Variants in TCF7L2 observed in about 807,000 individuals in gnomAD.
TCF7L2 encodes the protein transcription factor 7-like 2.
TCF7L2 carries 23 observed loss-of-function variants against 77.9 expected under a neutral mutation model. That is an observed-to-expected ratio of 0.30 (90% confidence interval 0.21 to 0.42). TCF7L2 has a LOEUF of 0.42. Among genes scored for constraint, TCF7L2 ranks in the 10% least tolerant of loss-of-function variants. The pLI is 1.00. For synonymous variants in TCF7L2, 413 were observed against 340.2 expected, an observed-to-expected ratio of 1.21 and a Z score of -2.36; for missense variants, 654 against 793.1, an observed-to-expected ratio of 0.82 and a Z score of 2.11.
At chr10:113,134,434 C>G (rs2067093455) in intron 5 of TCF7L2, among the ~76,000 whole-genome samples, 1 of 152,192 alleles carries the variant, frequency 6.6e-6, no homozygotes, top group Non-Finnish European at 1.5e-5. Context: ...ATCCCACCAG[C>G]AGAAATAGTT....
chr10:113,073,099 C>CCTGTGTGTGT (rs145753150), intron 5 of TCF7L2, among the ~76,000 whole-genome samples: 3 of 103,960 alleles, frequency 2.9e-5, no homozygotes, highest in East Asian at 2.4e-4. Flanking sequence ...AGGGCCAGGT[C>CCTGTGTGTGT]GTGTGTGTGT....
intron 5 of TCF7L2, among the ~76,000 whole-genome samples, chr10:113,133,637 C>G (rs2066943024): frequency 6.6e-6 from 1 of 152,200 alleles, no homozygotes; most frequent in African/African-American, 2.4e-5. Context: ...TTTCTCCTCT[C>G]CCTGCTTGCT....
At chr10:113,147,109 A>G (rs1363395470) in intron 8 of TCF7L2, among the ~76,000 whole-genome samples, 1 of 152,034 alleles carries the variant, frequency 6.6e-6, no homozygotes, top group Non-Finnish European at 1.5e-5. Context: ...TGATAGTTTT[A>G]TTTTCTGTTC....
At chr10:113,127,866 CTTTTT>C (rs34638595) in intron 5 of TCF7L2, among the ~76,000 whole-genome samples, 21 of 110,218 alleles carry the variant, frequency 1.9e-4, no homozygotes, top group African/African-American at 5.7e-4. Context: ...TTGCTGCGTC[CTTTTT>C]TTTTTTTTTT....
chr10:113,134,263 A>G (rs895418240), intron 5 of TCF7L2, among the ~76,000 whole-genome samples: 2 of 152,146 alleles, frequency 1.3e-5, no homozygotes, highest in African/African-American at 4.8e-5. Flanking sequence ...GAGGAAGCCC[A>G]CCCATTTGGG....
chr10:113,042,751 T>C (rs911676568), intron 5 of TCF7L2, among the ~76,000 whole-genome samples: 1 of 152,168 alleles, frequency 6.6e-6, no homozygotes, highest in African/African-American at 2.4e-5. Flanking sequence ...AGACTACAAA[T>C]TTATGATTAT....
chr10:112,980,958 G>A (rs1278504606), intron 4 of TCF7L2, among the ~76,000 whole-genome samples: 1 of 152,174 alleles, frequency 6.6e-6, no homozygotes, highest in Non-Finnish European at 1.5e-5. Flanking sequence ...TGCTGAAGAA[G>A]CCAAGAGTTT....
intron 4 of TCF7L2, among the ~76,000 whole-genome samples, chr10:112,974,256 C>T (rs2135004745): frequency 6.6e-6 from 1 of 152,184 alleles, no homozygotes; most frequent in South Asian, 2.1e-4. Flanking sequence ...GTTCATTCTC[C>T]ACCATATTAG....
chr10:113,138,923 A>G (rs2067859439), intron 5 of TCF7L2, among the ~76,000 whole-genome samples: 1 of 152,092 alleles, frequency 6.6e-6, no homozygotes. Flanking sequence ...ATCCCGGGAG[A>G]TGCTTGACTA....
At chr10:112,986,635 A>T (rs1327199507) in intron 4 of TCF7L2, among the ~76,000 whole-genome samples, 4 of 152,058 alleles carry the variant, frequency 2.6e-5, no homozygotes, top group Non-Finnish European at 5.9e-5. Context: ...CTGTTGTTGC[A>T]CTTGGTGTTT....
chr10:113,028,206 C>A (rs1222423342), intron 4 of TCF7L2, among the ~76,000 whole-genome samples: 2 of 152,098 alleles, frequency 1.3e-5, no homozygotes, highest in Non-Finnish European at 2.9e-5. Context: ...TCCTTGCTCT[C>A]TAGGAGGGAT....
At chr10:113,004,309 T>TA (rs1260056421) in intron 4 of TCF7L2, among the ~76,000 whole-genome samples, 3 of 152,118 alleles carry the variant, frequency 2.0e-5, no homozygotes, top group Non-Finnish European at 4.4e-5. Flanking sequence ...GGGGTCTCTG[T>TA]AGACTCCAGG....
intron 4 of TCF7L2, among the ~76,000 whole-genome samples, chr10:112,989,001 GCCTTGTCTGAGGCTCGGGT>G (rs2042060896): frequency 6.6e-6 from 1 of 152,134 alleles, no homozygotes; most frequent in Non-Finnish European, 1.5e-5. Flanking sequence ...TTGAGTCTGG[GCCTTGTCTGAGGCTCGGGT>G]CCTGTCATGC....
At chr10:112,971,098 C>T (rs1431345388) in intron 4 of TCF7L2, among the ~76,000 whole-genome samples, 2 of 152,168 alleles carry the variant, frequency 1.3e-5, no homozygotes, top group Admixed American at 6.5e-5. Flanking sequence ...AAAATATTTG[C>T]ATCTAATGTG....
At chr10:113,072,315 A>G (rs2058129021) in intron 5 of TCF7L2, among the ~76,000 whole-genome samples, 1 of 150,636 alleles carries the variant, frequency 6.6e-6, no homozygotes, top group Admixed American at 6.6e-5. Flanking sequence ...TCAGCCTTCC[A>G]AAGGGAGGGA....
intron 4 of TCF7L2, among the ~76,000 whole-genome samples, chr10:112,993,733 G>A (rs2042999290): frequency 6.6e-6 from 1 of 152,028 alleles, no homozygotes; most frequent in South Asian, 2.1e-4. Flanking sequence ...AGCTGTCTTG[G>A]GCCAAACCTC....
At chr10:113,001,300 C>T (rs1334313758) in intron 4 of TCF7L2, among the ~76,000 whole-genome samples, 1 of 152,156 alleles carries the variant, frequency 6.6e-6, no homozygotes, top group Non-Finnish European at 1.5e-5. Flanking sequence ...TATGTGTTTC[C>T]AAGCCCTTAA....
At chr10:113,054,398 T>C (rs928151714) in intron 5 of TCF7L2, among the ~76,000 whole-genome samples, 1 of 152,192 alleles carries the variant, frequency 6.6e-6, no homozygotes, top group Non-Finnish European at 1.5e-5. Context: ...ATTGGGGTTT[T>C]CCATGATGTT....
chr10:113,043,557 G>A (rs779167135), intron 5 of TCF7L2, among the ~76,000 whole-genome samples: 3 of 152,054 alleles, frequency 2.0e-5, no homozygotes, highest in South Asian at 2.1e-4. Context: ...TATACAAGGC[G>A]TCAGTCTTTG....
Sources: allele counts gnomAD v4.1 joint callset (sites outside exome capture counted in the v4.1 genomes callset), GRCh38; gene constraint gnomAD v4.1.1; transcripts MANE v1.5; gene names NCBI Gene and HGNC (gene_info 2026-07-23, HGNC 2026-07-21).